The following PDPR variants were observed in gnomAD, a reference collection of about 807,000 sequenced individuals.
The protein encoded by PDPR is pyruvate dehydrogenase phosphatase regulatory subunit.
In PDPR, 50 loss-of-function variants were observed where a neutral mutation model predicts 102.2. That is an observed-to-expected ratio of 0.49 (90% CI 0.39 to 0.62). The LOEUF is 0.62. Ranked by LOEUF, PDPR falls within the 20% of genes least tolerant of loss-of-function variation. PDPR has a pLI of 0.00. For missense variants in PDPR, 625 were observed against 1,098.2 expected, an observed-to-expected ratio of 0.57 and a Z score of 6.09; for synonymous variants, 259 against 406.0, an observed-to-expected ratio of 0.64 and a Z score of 4.35.
intron 13 of PDPR, among the ~76,000 whole-genome samples, chr16:70,143,060 T>C (rs1423695624): frequency 6.6e-6 from 1 of 152,238 alleles, no homozygotes; most frequent in African/African-American, 2.4e-5. Context: ...CCAGGCATGG[T>C]GGCGGGCACT....
intron 4 of PDPR, 134 bp downstream of exon 4, chr16:70,127,527 C>T (rs2549533): frequency 5.8e-5 from 85 of 1,466,504 alleles, no homozygotes; most frequent in Admixed American, 1.9e-4. Flanking sequence ...TGGTGGCTCA[C>T]GCCTGTAATC....
rs1967849500 is a variant in PDPR, at chr16:70,162,141, G to A, written c.*5262G>A. ...TAGCCTCTCCTTCTTCGGAACAATG[G>A]GCGTGGGGTAGAAAGCTCTTTCAGT... On this transcript the variant is annotated 3_prime_UTR_variant, in exon 19 of 19. Transcript: ENST00000288050. 1 of 152,536 alleles carries A rather than the reference G, an allele frequency of 6.6e-6. No individual in the cohort carries two copies. Among genetic ancestry groups the A allele is most frequent in the Admixed American group, 6.5e-5 (1 of 15,288 alleles). 9.4% of individuals were successfully genotyped at this position (152,536 alleles called of 1,614,324 possible).
chr16:70,150,492 A>T (rs952204646), intron 17 of PDPR, among the ~76,000 whole-genome samples: 8 of 151,376 alleles, frequency 5.3e-5, no homozygotes, highest in African/African-American at 1.7e-4. Flanking sequence ...TTTCTTCTTG[A>T]TGTTAGTCAT....
Position 70,156,727 on chromosome 16 carries a change from G to A in PDPR, c.2488G>A (p.Val830Met), listed in dbSNP as rs1302855613. ...FSEDTGEEQV[V>M]TADFINRGEY... ...TGAGGACACGGGGGAAGAGCAAGTGGTGACAGCAGATTTCATCAACCGGGG... is the reference window on the plus strand; with the variant it reads ...TGAGGACACGGGGGAAGAGCAAGTGATGACAGCAGATTTCATCAACCGGGG... Residue 830 changes from valine to methionine, a missense_variant, in exon 19 of 19, where the codon GTG (valine) becomes ATG (methionine). This residue lies in a region of PDPR where 303 missense variants were observed against 258.9 expected (regional missense o/e 1.17). Transcript: ENST00000288050. 6.2e-7 allele frequency: 1 copy of A among 1,613,952 alleles called. No homozygotes were observed. Among genetic ancestry groups the A allele is most frequent in the Non-Finnish European group, 8.5e-7 (1 of 1,179,918 alleles).
Position 70,120,479 on chromosome 16 carries a change from A to G in PDPR, c.-14A>G, listed in dbSNP as rs1461247870. The G allele has an allele frequency of 5.6e-6, 9 of 1,607,224 alleles. No individual in the cohort carries two copies. The highest frequency in any genetic ancestry group is 6.8e-6 in the Non-Finnish European group (8 of 1,174,096). Reference sequence around the variant, plus strand: ...TGTCTAGTTTGAGTTCCTGAGATCTAGTTGGTGAGAGACATGATGTTCTAC... The same window carrying G: ...TGTCTAGTTTGAGTTCCTGAGATCTGGTTGGTGAGAGACATGATGTTCTAC... On this transcript the variant is annotated 5_prime_UTR_variant, in exon 3 of 19. Transcript: ENST00000288050.
rs937458195 is a variant in PDPR at position 70,159,098 on chromosome 16, T to C, written c.*2219T>C. On this transcript the variant is annotated 3_prime_UTR_variant, in exon 19 of 19. Coordinates refer to ENST00000288050, the MANE Select transcript of PDPR (RefSeq NM_017990.5). The stretch of plus-strand genomic sequence containing the variant: ...CCATCATCACAGTATATTAGTCAAA[T>C]AGAAGCTTCATCAGAAATGTATCCC... The C allele has an allele frequency of 6.6e-6, 1 of 152,342 alleles. No individual in the cohort carries two copies. The highest frequency in any genetic ancestry group is 1.5e-5 in the Non-Finnish European group (1 of 68,070). The allele number at this position is 152,342 out of a possible 1,614,324, so 9.4% of individuals were successfully genotyped here.
At chr16:70,137,311 G>T (rs551727464) in intron 10 of PDPR, among the ~76,000 whole-genome samples, 38 of 152,300 alleles carry the variant, frequency 2.5e-4, no homozygotes, top group African/African-American at 9.1e-4. Context: ...AGCCGAGATT[G>T]CGCCACTGCA....
intron 9 of PDPR, among the ~76,000 whole-genome samples, chr16:70,133,796 C>T (rs1408967976): frequency 2.0e-5 from 3 of 151,942 alleles, no homozygotes; most frequent in African/African-American, 4.8e-5. Context: ...TGCAATGGTG[C>T]GATCTCGGCT....
intron 10 of PDPR, among the ~76,000 whole-genome samples, chr16:70,136,660 A>G (rs2549556): frequency 7.2e-5 from 11 of 152,318 alleles, no homozygotes; most frequent in Admixed American, 2.0e-4. Flanking sequence ...TTTTTCAGTT[A>G]TAACAAATAT....
At chr16:70,117,910 T>C (rs1962811821) in intron 2 of PDPR, among the ~76,000 whole-genome samples, 1 of 151,988 alleles carries the variant, frequency 6.6e-6, no homozygotes, top group African/African-American at 2.4e-5. Context: ...CTAATCAACA[T>C]GGTGAAACCC....
chr16:70,155,192 CAAAA>C lies in PDPR; in HGVS notation c.2236-1274_2236-1271del, dbSNP rs200366472. On this transcript the variant is annotated intron_variant, in intron 18 of 18. Transcript: ENST00000288050. The stretch of plus-strand genomic sequence containing the variant: ...GGGTGACAGAGCAAGGCTCCATCTC[CAAAA>C]AAAAAAAAGGTAATAACCCATTTTG... Among the ~76,000 whole-genome samples, 4 of 146,026 alleles carry C rather than the reference CAAAA, an allele frequency of 2.7e-5. No homozygotes were observed. The Admixed American group carries it at 2.8e-4, about 10-fold the overall frequency.
In PDPR at chr16:70,153,377, G is replaced by T. The variant is rs372790179; in HGVS notation, c.2053-14G>T. 1.0e-5 allele frequency: 16 copies of T among 1,606,708 alleles called. No individual in the cohort carries two copies. In the Admixed American group the frequency reaches 1.2e-4, roughly 12 times the overall value. On this transcript the variant is annotated splice_polypyrimidine_tract_variant and intron_variant, in intron 17 of 18. Coordinates refer to ENST00000288050, the MANE Select transcript of PDPR (RefSeq NM_017990.5). ...AAGGTCTGCTGCTTATGAACTTTCT[G>T]TCTCTTCCTATAGTACGCCCTGCAT...
intron 11 of PDPR, among the ~76,000 whole-genome samples, chr16:70,139,470 T>C (rs563617589): frequency 6.6e-6 from 1 of 152,398 alleles, no homozygotes; most frequent in Admixed American, 6.5e-5. Context: ...AGTCAGAGAA[T>C]TTGCCGAGTT....
At chr16:70,137,078 C>T (rs1209249452) in intron 10 of PDPR, among the ~76,000 whole-genome samples, 4 of 151,392 alleles carry the variant, frequency 2.6e-5, no homozygotes, top group Middle Eastern at 3.4e-3. Flanking sequence ...CTAGGCCGGG[C>T]GCAGTGGCTC....
chr16:70,121,152 A>G (rs1448371014), intron 3 of PDPR, among the ~76,000 whole-genome samples: 4 of 152,042 alleles, frequency 2.6e-5, no homozygotes, highest in Admixed American at 6.6e-5. Flanking sequence ...TAAGCAAAGT[A>G]GACAACTGCT....
At chr16:70,135,471 A>G (rs1965029336) in intron 9 of PDPR, among the ~76,000 whole-genome samples, 1 of 152,248 alleles carries the variant, frequency 6.6e-6, no homozygotes, top group South Asian at 2.1e-4. Flanking sequence ...TCCTGACCTC[A>G]GGTGATCCGC....
At chr16:70,119,789 C>G (rs2152058859) in intron 2 of PDPR, among the ~76,000 whole-genome samples, 1 of 150,564 alleles carries the variant, frequency 6.6e-6, no homozygotes, top group African/African-American at 2.5e-5. Context: ...TCTCCTCATT[C>G]ACACACGCAA....
At chr16:70,142,059 C>T (rs1394446832) in intron 11 of PDPR, among the ~76,000 whole-genome samples, 175 bp from the exon 12 acceptor site, 1 of 152,188 alleles carries the variant, frequency 6.6e-6, no homozygotes, top group Non-Finnish European at 1.5e-5. Context: ...GAGATTGTGC[C>T]ACTGCACTCC....
At chr16:70,141,128 A>C (rs1444868523) in intron 11 of PDPR, among the ~76,000 whole-genome samples, 2 of 152,048 alleles carry the variant, frequency 1.3e-5, no homozygotes, top group Non-Finnish European at 2.9e-5. Context: ...ATTTCGGCTC[A>C]CTGCAACCTC....
Sources: gnomAD v4.1 joint callset for allele counts (sites outside exome capture counted in the v4.1 genomes callset) on GRCh38, gnomAD v4.1.1 for gene constraint, gnomAD v4.1.1 regional missense constraint, MANE v1.5 for transcripts, NCBI Gene and HGNC (gene_info 2026-07-23, HGNC 2026-07-21) for gene names.